GLYATL2: variants seen among roughly 807,000 people sequenced by gnomAD.
GLYATL2 encodes the protein glycine-N-acyltransferase like 2, also known as glycine N-acyltransferase-like protein 2.
In GLYATL2, 25 loss-of-function variants were observed where a neutral mutation model predicts 21.4. That is an observed-to-expected ratio of 1.17 (90% CI 0.85 to 1.63). The LOEUF (loss-of-function observed/expected upper bound fraction) is 1.63, where lower values mean the gene tolerates loss of function less well. Among genes scored for constraint, GLYATL2 ranks in the 40% most tolerant of loss-of-function variants. The probability of loss-of-function intolerance (pLI) is 0.00; values close to 1 mark genes in which losing one functional copy is unlikely to be tolerated. For synonymous variants in GLYATL2, 114 were observed against 118.2 expected, an observed-to-expected ratio of 0.96 and a Z score of 0.23; for missense variants, 361 against 343.3, an observed-to-expected ratio of 1.05 and a Z score of -0.41.
intron 1 of GLYATL2, among the ~76,000 whole-genome samples, chr11:58,893,660 G>A (rs769496077): frequency 6.6e-6 from 1 of 152,144 alleles, no homozygotes; most frequent in Non-Finnish European, 1.5e-5. Flanking sequence ...GGGAAGCAGG[G>A]GATATAGTCT....
At chr11:58,848,575 G>A (rs908134416), upstream of GLYATL2, among the ~76,000 whole-genome samples, 2 of 152,068 alleles carry the variant, frequency 1.3e-5, no homozygotes, top group South Asian at 2.1e-4. Context: ...AATCTATCAG[G>A]GACCTTTATT....
intron 1 of GLYATL2, among the ~76,000 whole-genome samples, chr11:58,850,874 C>T (rs934463672): frequency 6.6e-6 from 1 of 152,180 alleles, no homozygotes; most frequent in African/African-American, 2.4e-5. Flanking sequence ...TGTGCTTCAG[C>T]GGTCATGCTC....
In GLYATL2 at chr11:58,834,299, G is replaced by T. The variant is rs187854469; in HGVS notation, c.*130C>A. 9.0e-6 allele frequency: 6 copies of T among 665,496 alleles called. No individual in the cohort carries two copies. In the East Asian group the frequency reaches 1.8e-4, roughly 19 times the overall value. The allele number at this position is 665,496 out of a possible 1,614,324, so 41.2% of individuals were successfully genotyped here. ...AGGAGAAGGAAGGTAAAACTGTTAA[G>T]GGTGAGCTTAAGTAATACACAGATC... On this transcript the variant is annotated 3_prime_UTR_variant, in exon 6 of 6. Coordinates refer to ENST00000287275, the MANE Select transcript of GLYATL2 (RefSeq NM_145016.4).
intron 1 of GLYATL2, chr11:58,892,815 G>A: frequency 3.1e-6 from 1 of 320,574 alleles, no homozygotes; most frequent in Non-Finnish European, 6.3e-6. Flanking sequence ...GATGAGATAG[G>A]CCACCCAGAT....
chr11:58,857,858 G>A (rs1186071222), intron 1 of GLYATL2, among the ~76,000 whole-genome samples: 1 of 131,626 alleles, frequency 7.6e-6, no homozygotes, highest in Non-Finnish European at 1.5e-5. Flanking sequence ...TGACTTACCT[G>A]CTACCCTCAT....
chr11:58,838,327 G>T lies in GLYATL2; in HGVS notation c.120C>A (p.Phe40Leu), dbSNP rs1422218067. 1.2e-6 allele frequency: 2 copies of T among 1,613,180 alleles called. No individual in the cohort carries two copies. The highest frequency in any genetic ancestry group is 1.7e-6 in the Non-Finnish European group (2 of 1,179,398). Residue 40 changes from phenylalanine (F) to leucine (L), a missense_variant, in exon 3 of 6, where the codon TTC becomes TTA. Phe to Leu is a conservative substitution (Grantham distance 22). Coordinates refer to ENST00000287275, the MANE Select transcript of GLYATL2 (RefSeq NM_145016.4). ...AGGCATCTACCAGCACCTCCATGTT[G>T]AAAGGGTTTTTATCTTTTATGTTGA... ...AIFNIKDKNP[F>L]NMEVLVDAWP...
chr11:58,841,318 C>A (rs970037577), intron 1 of GLYATL2, among the ~76,000 whole-genome samples: 1 of 152,228 alleles, frequency 6.6e-6, no homozygotes, highest in Non-Finnish European at 1.5e-5. Flanking sequence ...AACTCCACCC[C>A]TGGCTCCTCC....
At chr11:58,894,066 T>C (rs887731032) in intron 1 of GLYATL2, among the ~76,000 whole-genome samples, 1 of 152,200 alleles carries the variant, frequency 6.6e-6, no homozygotes, top group African/African-American at 2.4e-5. Flanking sequence ...GCTATGGAAA[T>C]GACACTTGTT....
At chr11:58,853,070 A>T (rs1345542848) in intron 1 of GLYATL2, among the ~76,000 whole-genome samples, 1 of 152,186 alleles carries the variant, frequency 6.6e-6, no homozygotes, top group Non-Finnish European at 1.5e-5. Flanking sequence ...ATTCAAACAT[A>T]GTTTTACCAC....
intron 1 of GLYATL2, among the ~76,000 whole-genome samples, chr11:58,843,402 T>A (rs1159216103): frequency 1.3e-5 from 2 of 152,158 alleles, no homozygotes; most frequent in Non-Finnish European, 2.9e-5. Context: ...GCAAGCATGC[T>A]TAGGATAATG....
intron 1 of GLYATL2, among the ~76,000 whole-genome samples, chr11:58,850,633 G>T (rs1391374463): frequency 2.0e-5 from 3 of 152,056 alleles, no homozygotes; most frequent in African/African-American, 7.2e-5. Context: ...TGGCTCCTTG[G>T]TCTAGCAGTA....
At chr11:58,840,224 C>T (rs1040464996) in intron 1 of GLYATL2, among the ~76,000 whole-genome samples, 1 of 152,100 alleles carries the variant, frequency 6.6e-6, no homozygotes, top group Non-Finnish European at 1.5e-5. Flanking sequence ...TTGGCAAGAT[C>T]TAGGAATTGG....
chr11:58,868,967 T>C (rs772750513), intron 1 of GLYATL2, among the ~76,000 whole-genome samples: 3 of 142,420 alleles, frequency 2.1e-5, no homozygotes, highest in Non-Finnish European at 3.1e-5. Context: ...ATGGACACTC[T>C]TGGGGAGTTG....
At position 58,839,548 on chromosome 11, in the gene GLYATL2, G is replaced by T; in HGVS notation, c.65C>A (p.Pro22His). Residue 22 changes from proline (P) to histidine (H), a missense_variant, in exon 2 of 6, where the codon CCT becomes CAT. Physicochemically the swap from Pro to His is moderately conservative, Grantham distance 77 (BLOSUM62 -2). Coordinates refer to ENST00000287275, the MANE Select transcript of GLYATL2 (RefSeq NM_145016.4). ...ILYKSLEKSI[P>H]ESIKVYGAIF... ...CTACTCCGTTACCTTTATGGATTCA[G>T]GGATGCTCTTTTCTAAGGATTTATA... is the stretch of plus-strand genomic sequence containing the variant. 6.2e-7 allele frequency: 1 copy of T among 1,608,958 alleles called. No individual in the cohort carries two copies. The highest frequency in any genetic ancestry group is 8.5e-7 in the Non-Finnish European group (1 of 1,176,076).
intron 1 of GLYATL2, among the ~76,000 whole-genome samples, chr11:58,875,632 G>T (rs1201767537): frequency 6.6e-6 from 1 of 152,156 alleles, no homozygotes; most frequent in African/African-American, 2.4e-5. Flanking sequence ...CTCTCTTCTG[G>T]CTTGTAGAGT....
At chr11:58,902,821 G>T (rs1189444084) in intron 1 of GLYATL2, among the ~76,000 whole-genome samples, 1 of 152,192 alleles carries the variant, frequency 6.6e-6, no homozygotes, top group African/African-American at 2.4e-5. Context: ...CCTCAGGGAT[G>T]CTGGACAACT....
At chr11:58,897,199 G>C (rs963692578) in intron 1 of GLYATL2, among the ~76,000 whole-genome samples, 16 of 152,228 alleles carry the variant, frequency 1.1e-4, no homozygotes, top group African/African-American at 3.9e-4. Context: ...AGAGTCCTTG[G>C]AATGAAGAAG....
chr11:58,898,117 T>C (rs1051276446), intron 1 of GLYATL2, among the ~76,000 whole-genome samples: 7 of 152,344 alleles, frequency 4.6e-5, no homozygotes, highest in Admixed American at 1.3e-4. Flanking sequence ...ATGCTCATAA[T>C]TGAACACAAA....
intron 1 of GLYATL2, among the ~76,000 whole-genome samples, chr11:58,871,259 G>GATTTT (rs546574616): frequency 5.3e-5 from 8 of 151,672 alleles, no homozygotes; most frequent in East Asian, 1.9e-4. Context: ...GAGGTAGAAT[G>GATTTT]ATTTTATTTT....
Sources: allele counts gnomAD v4.1 joint callset (sites outside exome capture counted in the v4.1 genomes callset), GRCh38; gene constraint gnomAD v4.1.1; transcripts MANE v1.5; gene names NCBI Gene and HGNC (gene_info 2026-07-23, HGNC 2026-07-21).